The following POLD1 variants were observed in gnomAD, a reference collection of about 807,000 sequenced individuals.
POLD1 encodes the protein DNA polymerase delta 1, catalytic subunit, also known as DNA polymerase delta catalytic subunit.
In POLD1, 79 loss-of-function variants were observed where a neutral mutation model predicts 129.7. The observed-to-expected ratio is 0.61, with a 90% CI of 0.51 to 0.73. POLD1 has a LOEUF of 0.73. Among genes scored for constraint, POLD1 ranks in the 30% least tolerant of loss-of-function variants. The pLI, the probability that POLD1 is intolerant of heterozygous loss-of-function variation, is 0.00. For missense variants in POLD1, 1,338 were observed against 1,595.8 expected, an observed-to-expected ratio of 0.84 and a Z score of 2.75; for synonymous variants, 714 against 683.3, an observed-to-expected ratio of 1.04 and a Z score of -0.70.
chr19:50,384,466 A>G lies in POLD1; in HGVS notation c.-2+76A>G, dbSNP rs3219287. 1,305 of 152,404 alleles carry G rather than the reference A, an allele frequency of 8.6e-3. 16 individuals are homozygous for G. The highest frequency in any genetic ancestry group is 0.028 in the African/African-American group (1,143 of 41,370). The allele number at this position is 152,404 out of a possible 1,614,324, so 9.4% of individuals were successfully genotyped here. A position where few individuals can be genotyped will look rare whatever the true frequency, so the allele number is the denominator to read the frequency against. On this transcript the variant is annotated intron_variant, in intron 1 of 26. Coordinates refer to ENST00000440232, the MANE Select transcript of POLD1 (RefSeq NM_002691.4). ...GGGGCTTGAGCAGCCAGGCACATAG[A>G]TCTGAGAGACGGTTGCGAGGGCACC... is the stretch of plus-strand genomic sequence containing the variant.
At chr19:50,417,798 T>C in intron 26 of POLD1, 44 bp from the exon 27 acceptor site, 1 of 1,279,934 alleles carries the variant, frequency 7.8e-7, no homozygotes, top group Non-Finnish European at 1.1e-6. Context: ...GGCTGGGCAC[T>C]GGGCCTTGGC....
intron 17 of POLD1, among the ~76,000 whole-genome samples, chr19:50,410,782 G>A (rs774857260): frequency 6.6e-6 from 1 of 151,852 alleles, no homozygotes; most frequent in Non-Finnish European, 1.5e-5. Flanking sequence ...GTTTTTCTTG[G>A]GTGTCAGTCC....
chr19:50,416,488 G>A lies in POLD1; in HGVS notation c.2913G>A (p.Glu971=), dbSNP rs1385562254. 4 of 1,552,056 alleles carry A rather than the reference G, an allele frequency of 2.6e-6. No individual in the cohort carries two copies. Among genetic ancestry groups the A allele is most frequent in the Non-Finnish European group, 3.5e-6 (4 of 1,148,574 alleles). The part of the protein sequence containing the change: ...QLAKPLLRIF[E]PILGEGRAEA... ...CCAAGCCCCTCCTGCGCATCTTCGA[G>A]CCCATCCTGGGCGAGGGCCGTGCCG... The change falls in exon 23 of 27, where the codon GAG becomes GAA. Residue 971 remains glutamate (E), a synonymous_variant. Transcript: ENST00000440232.
At position 50,416,475 on chromosome 19, in the gene POLD1, TGCGCATCTTCGA is replaced by T. The variant is rs1601246525; in HGVS notation, c.2903_2914del (p.Arg968_Glu971del). 1 of 1,551,512 alleles carries T rather than the reference TGCGCATCTTCGA, an allele frequency of 6.4e-7. No individual in the cohort carries two copies. Among genetic ancestry groups the T allele is most frequent in the Admixed American group, 1.9e-5 (1 of 51,292 alleles). ...GAGCAGCAGCTGGCCAAGCCCCTCC[TGCGCATCTTCGA>T]GCCCATCCTGGGCGAGGGCCGTGCC... On this transcript the variant is annotated inframe_deletion, in exon 23 of 27. Coordinates refer to ENST00000440232, the MANE Select transcript of POLD1 (RefSeq NM_002691.4).
chr19:50,399,260 C>T lies in POLD1; in HGVS notation c.203-111C>T, dbSNP rs1343148173. On this transcript the variant is annotated intron_variant, in intron 2 of 26. Coordinates refer to ENST00000440232, the MANE Select transcript of POLD1 (RefSeq NM_002691.4). ...TGACCCTCATTCTCTTCCAAGTTTC[C>T]TGCCTGACCCAGACCACCACCTCTG... The T allele has an allele frequency of 6.1e-6, 7 of 1,156,774 alleles. No homozygotes were observed. In the African/African-American group the frequency reaches 6.2e-5, roughly 10 times the overall value. 71.7% of individuals were successfully genotyped at this position (1,156,774 alleles called of 1,614,324 possible).
chr19:50,402,844 G>A lies in POLD1; in HGVS notation c.970+103G>A, dbSNP rs1016894475. On this transcript the variant is annotated intron_variant, in intron 8 of 26. Coordinates refer to ENST00000440232, the MANE Select transcript of POLD1 (RefSeq NM_002691.4). ...GGAATGGCAAGCATGAAGGTGCCGGGGCAGGAGCACCCCAGCCCATGTGGC... is the reference window on the plus strand; with the variant it reads ...GGAATGGCAAGCATGAAGGTGCCGGAGCAGGAGCACCCCAGCCCATGTGGC... 1.3e-4 allele frequency: 198 copies of A among 1,467,396 alleles called. 1 individual carries two copies. The highest frequency in any genetic ancestry group is 2.8e-5 in the African/African-American group (2 of 72,066). 90.9% of individuals were successfully genotyped at this position (1,467,396 alleles called of 1,614,324 possible).
rs141579552 is a variant in POLD1, at chr19:50,401,825, G to A, written c.364G>A (p.Val122Met). The change falls in exon 4 of 27, where the codon GTG (valine) becomes ATG (methionine). Residue 122 changes from valine to methionine, a missense_variant. Physicochemically the swap from Val to Met is conservative, Grantham distance 21. This residue lies in a region of POLD1 where 332 missense variants were observed against 315.7 expected (regional missense o/e 1.05). Transcript: ENST00000440232. ...GGGGCCCCCACCATCCCGCGGCTCC[G>A]TGCCTGTGCTCCGCGCCTTCGGGGT... ...PGGPPPSRGS[V>M]PVLRAFGVTD... 1.3e-5 allele frequency: 21 copies of A among 1,613,588 alleles called. No homozygotes were observed. Among genetic ancestry groups the A allele is most frequent in the South Asian group, 7.7e-5 (7 of 91,084 alleles).
intron 1 of POLD1, among the ~76,000 whole-genome samples, chr19:50,394,449 C>T (rs1246359419): frequency 1.3e-5 from 2 of 152,060 alleles, no homozygotes; most frequent in African/African-American, 4.8e-5. Flanking sequence ...GTCAGGAGTT[C>T]CACACCAGCC....
At position 50,414,884 on chromosome 19, in the gene POLD1, G is replaced by T. The variant is rs753609023; in HGVS notation, c.2458G>T (p.Ala820Ser). Residue 820 changes from alanine (A) to serine (S), a missense_variant, in exon 20 of 27, where the codon GCC becomes TCC. Transcript: ENST00000440232. ...CCTGCTCTTCTCCTCCCGGCCCGAC[G>T]CCCACGACCGCATGGACTGCAAGGG... ...AGLLFSSRPD[A>S]HDRMDCKGLE... is the part of the protein sequence containing the mutation. 6.2e-7 allele frequency: 1 copy of T among 1,607,188 alleles called. No individual in the cohort carries two copies. Among genetic ancestry groups the T allele is most frequent in the South Asian group, 1.1e-5 (1 of 90,384 alleles).
At chr19:50,390,628 G>A (rs960654786) in intron 1 of POLD1, among the ~76,000 whole-genome samples, 2 of 150,970 alleles carry the variant, frequency 1.3e-5, no homozygotes, top group Non-Finnish European at 2.9e-5. Flanking sequence ...TTGGAGAGGG[G>A]GATTTGGCAG....
At chr19:50,402,927 G>A in intron 8 of POLD1, 126 bp from the exon 9 acceptor site, 2 of 1,352,450 alleles carry the variant, frequency 1.5e-6, no homozygotes, top group South Asian at 1.4e-5. Flanking sequence ...CAGAGCAGGA[G>A]CCAGGGTGAG....
chr19:50,392,288 G>T (rs1007359517), intron 1 of POLD1, among the ~76,000 whole-genome samples: 8 of 151,862 alleles, frequency 5.3e-5, no homozygotes, highest in Non-Finnish European at 1.2e-4. Context: ...TGTAGAAATG[G>T]AGTCTCACCA....
chr19:50,411,386 G>T (rs931754543), intron 17 of POLD1, among the ~76,000 whole-genome samples: 1 of 152,188 alleles, frequency 6.6e-6, no homozygotes, highest in Non-Finnish European at 1.5e-5. Context: ...GGCCAAGAGA[G>T]CACAGCTTGG....
intron 1 of POLD1, among the ~76,000 whole-genome samples, chr19:50,395,516 G>A (rs541484761): frequency 1.1e-4 from 16 of 151,934 alleles, no homozygotes; most frequent in Admixed American, 9.2e-4. Context: ...CCCGGGAGGC[G>A]GAGCTTGCAG....
At chr19:50,401,391 A>ATATATATATATATTTTT (rs1334231607) in intron 3 of POLD1, among the ~76,000 whole-genome samples, 3 of 65,950 alleles carry the variant, frequency 4.5e-5, no homozygotes, top group Admixed American at 2.4e-4. Context: ...ATATATATAT[A>ATATATATATATATTTTT]TTTTTTTTTT....
At position 50,406,463 on chromosome 19, in the gene POLD1, C is replaced by T. The variant is rs751922673; in HGVS notation, c.1440C>T (p.His480=). ...RSYTLNAVSF[H]FLGEQKEDVQ... ...ACACGCTCAATGCCGTGAGCTTCCA[C>T]TTCCTGGGCGAGCAGAAGGAGGACG... Residue 480 remains histidine, a synonymous_variant, in exon 12 of 27, where the codon CAC becomes CAT. Coordinates refer to ENST00000440232, the MANE Select transcript of POLD1 (RefSeq NM_002691.4). This position sits in a 1 kb window ranked among gnomAD's most constrained non-coding sequence, Gnocchi z 5.5. The T allele has an allele frequency of 1.0e-5, 16 of 1,599,264 alleles. No homozygotes were observed. The South Asian group carries it at 1.1e-4, about 11-fold the overall frequency.
At chr19:50,408,760 C>G in intron 14 of POLD1, 25 bp from the exon 15 acceptor site, 1 of 1,612,682 alleles carries the variant, frequency 6.2e-7, no homozygotes. Flanking sequence ...GCCCTGACTC[C>G]CGGCCGCGGC....
At position 50,406,524 on chromosome 19, in the gene POLD1, G is replaced by T. The variant is rs1269529325; in HGVS notation, c.1494+7G>T. The T allele has an allele frequency of 6.4e-7, 1 of 1,559,572 alleles. No homozygotes were observed. Among genetic ancestry groups the T allele is most frequent in the Admixed American group, 1.9e-5 (1 of 53,062 alleles). On this transcript the variant is annotated splice_region_variant and intron_variant, in intron 12 of 26. Transcript: ENST00000440232. This position sits in a 1 kb window ranked among gnomAD's most constrained non-coding sequence, Gnocchi z 5.5. ...CATCATCACCGACCTGCAGGTGCCT[G>T]CTGCCTCCCTGACCTCTCACCCCAA...
At position 50,415,750 on chromosome 19, in the gene POLD1, C is replaced by T. The variant is rs1483458869; in HGVS notation, c.2744C>T (p.Ala915Val). 4.7e-6 allele frequency: 7 copies of T among 1,484,332 alleles called. No homozygotes were observed. Among genetic ancestry groups the T allele is most frequent in the African/African-American group, 1.4e-5 (1 of 70,474 alleles). The allele number at this position is 1,484,332 out of a possible 1,614,324, so 91.9% of individuals were successfully genotyped here. A position where few individuals can be genotyped will look rare whatever the true frequency, so the allele number is the denominator to read the frequency against. The change falls in exon 22 of 27, where the codon GCG becomes GTG. Residue 915 changes from alanine to valine, a missense_variant. Ala to Val is a moderately conservative substitution (Grantham distance 64). This residue lies in a region of POLD1 where 720 missense variants were observed against 1,002.6 expected (regional missense o/e 0.72). Coordinates refer to ENST00000440232, the MANE Select transcript of POLD1 (RefSeq NM_002691.4). Reference protein sequence around the residue: ...ERMRKRDPGSAPSLGDRVPYV... With the variant: ...ERMRKRDPGSVPSLGDRVPYV... ...ATGAGGAAGCGGGACCCCGGGAGTG[C>T]GCCCAGCCTGGGCGACCGCGTCCCC...
Sources: allele counts gnomAD v4.1 joint callset (sites outside exome capture counted in the v4.1 genomes callset), GRCh38; gene constraint gnomAD v4.1.1; regional missense constraint gnomAD v4.1.1; non-coding constraint Gnocchi (gnomAD v3.1); transcripts MANE v1.5; gene names NCBI Gene and HGNC (gene_info 2026-07-23, HGNC 2026-07-21).